RUBCN: variants seen among roughly 807,000 people sequenced by gnomAD.
The protein encoded by RUBCN is rubicon autophagy regulator.
A neutral mutation model predicts 113.2 loss-of-function variants in RUBCN; 74 were observed. The observed-to-expected ratio is 0.65, with a 90% CI of 0.54 to 0.79. The LOEUF (loss-of-function observed/expected upper bound fraction) is 0.79, where lower values mean the gene tolerates loss of function less well. Ranked by LOEUF, RUBCN falls within the 30% of genes least tolerant of loss-of-function variation. The pLI is 0.00. For synonymous variants in RUBCN, 480 were observed against 490.0 expected (o/e 0.98, Z 0.27); for missense variants, 1,109 against 1,251.7 (o/e 0.89, Z 1.72).
rs1719952685 is a variant in RUBCN at position 197,673,103 on chromosome 3, A to C, written c.*1915T>G. 1 of 152,186 alleles carries C rather than the reference A, an allele frequency of 6.6e-6. No homozygotes were observed. Among genetic ancestry groups the C allele is most frequent in the African/African-American group, 2.4e-5 (1 of 41,428 alleles). The allele number at this position is 152,186 out of a possible 1,614,324, so 9.4% of individuals were successfully genotyped here. ...CTTGAGTTCTGTGGGGTCATTCTTA[A>C]AGCTCCCTGAAGGACCTGGGCACTT... On this transcript the variant is annotated 3_prime_UTR_variant, in exon 20 of 20. Transcript: ENST00000296343.
intron 1 of RUBCN, among the ~76,000 whole-genome samples, chr3:197,744,834 A>G (rs891717141): frequency 3.9e-5 from 6 of 152,206 alleles, no homozygotes; most frequent in African/African-American, 1.2e-4. Flanking sequence ...GGTAAGGATT[A>G]CAAAGGTGAG....
chr3:197,740,840 C>G (rs1389498138), upstream of RUBCN, among the ~76,000 whole-genome samples: 1 of 151,982 alleles, frequency 6.6e-6, no homozygotes, highest in African/African-American at 2.4e-5. Context: ...AGGCTGGTCT[C>G]GAACTTCTGA....
intron 2 of RUBCN, among the ~76,000 whole-genome samples, chr3:197,709,286 C>T (rs1220221750): frequency 2.0e-5 from 3 of 152,066 alleles, no homozygotes; most frequent in African/African-American, 7.2e-5. Flanking sequence ...CAAATGTTTG[C>T]ATGTTGAGGG....
intron 2 of RUBCN, among the ~76,000 whole-genome samples, chr3:197,708,911 G>C (rs555265326): frequency 6.6e-6 from 1 of 152,270 alleles, no homozygotes. Flanking sequence ...ACAATTTTCA[G>C]AAGTTAGGGG....
At chr3:197,684,533 C>A (rs1265288979) in intron 11 of RUBCN, among the ~76,000 whole-genome samples, 1 of 152,000 alleles carries the variant, frequency 6.6e-6, no homozygotes, top group East Asian at 1.9e-4. Flanking sequence ...CACACAGGGA[C>A]ACAACCCCTC....
At chr3:197,687,705 G>A (rs1455940158) in intron 11 of RUBCN, among the ~76,000 whole-genome samples, 1 of 152,216 alleles carries the variant, frequency 6.6e-6, no homozygotes, top group East Asian at 1.9e-4. Flanking sequence ...TACAGTGAGT[G>A]CCACTGGCCT....
chr3:197,686,107 C>T (rs932433627), intron 11 of RUBCN, among the ~76,000 whole-genome samples: 5 of 152,010 alleles, frequency 3.3e-5, no homozygotes, highest in African/African-American at 1.2e-4. Context: ...AGGAGCTAAC[C>T]AATTTTCTTA....
At position 197,671,105 on chromosome 3, in the gene RUBCN, TCC is replaced by T. The variant is rs1332630167; in HGVS notation, c.*3911_*3912del. 6.6e-6 allele frequency among the ~76,000 whole-genome samples: 1 copy of T among 152,124 alleles called. No individual in the cohort carries two copies. Among genetic ancestry groups the T allele is most frequent in the East Asian group, 1.9e-4 (1 of 5,188 alleles). On this transcript the variant is annotated 3_prime_UTR_variant, in exon 20 of 20. Transcript: ENST00000296343. ...GCTTGGCTCACTGCAGCCCTCGCCT[TCC>T]AGGTTCAAGTGATTCTCATGATTCA...
At chr3:197,737,926 T>A (rs993298053), upstream of RUBCN, among the ~76,000 whole-genome samples, 4 of 152,160 alleles carry the variant, frequency 2.6e-5, no homozygotes, top group African/African-American at 7.2e-5. Flanking sequence ...TCTCTCTCTG[T>A]CGCCCAGGCT....
intron 2 of RUBCN, among the ~76,000 whole-genome samples, chr3:197,705,566 G>GAAAA (rs1023962921): frequency 2.1e-4 from 9 of 42,496 alleles, no homozygotes; most frequent in African/African-American, 4.4e-4. Flanking sequence ...CCCTAACTCA[G>GAAAA]AAAAAAAAAA....
chr3:197,739,488 TG>T (rs1333913970), upstream of RUBCN, among the ~76,000 whole-genome samples: 3 of 148,334 alleles, frequency 2.0e-5, no homozygotes, highest in South Asian at 4.3e-4. Flanking sequence ...GGTCAGGAGA[TG>T]GAGACTATCC....
At chr3:197,730,943 T>G (rs1477154966) in intron 1 of RUBCN, among the ~76,000 whole-genome samples, 1 of 142,966 alleles carries the variant, frequency 7.0e-6, no homozygotes, top group Non-Finnish European at 1.5e-5. Flanking sequence ...TTCAACACCT[T>G]AGTGAACATC....
In RUBCN at chr3:197,697,038, C is replaced by A; in HGVS notation, c.1273G>T (p.Asp425Tyr). The change falls in exon 8 of 20, where the codon GAT becomes TAT. Residue 425 changes from aspartate (D) to tyrosine (Y), a missense_variant. This residue lies in a region of RUBCN where 736 missense variants were observed against 779.6 expected (regional missense o/e 0.94). Coordinates refer to ENST00000296343, the MANE Select transcript of RUBCN (RefSeq NM_014687.4). ...ASRGAPESCNDKAKLRGPLPY... is the reference protein window; with the variant it reads ...ASRGAPESCNYKAKLRGPLPY... ...AAAGGGCCTCTCAACTTCGCCTTATCATTGCAGGATTCTAATGACGATGAC... is the reference window on the plus strand; with the variant it reads ...AAAGGGCCTCTCAACTTCGCCTTATAATTGCAGGATTCTAATGACGATGAC... 1 of 1,584,186 alleles carries A rather than the reference C, an allele frequency of 6.3e-7. No homozygotes were observed. Among genetic ancestry groups the A allele is most frequent in the South Asian group, 1.1e-5 (1 of 90,474 alleles).
chr3:197,670,146 C>T lies in RUBCN; in HGVS notation c.*4872G>A, dbSNP rs1278390417. On this transcript the variant is annotated 3_prime_UTR_variant, in exon 20 of 20. Transcript: ENST00000296343. ...TCGTGATCCGCCCGCCTCGGCCTCC[C>T]AAAGTGCTGGGATTACAGGCGTGAG... Among the ~76,000 whole-genome samples the T allele has an allele frequency of 1.3e-5, 2 of 152,232 alleles. No individual in the cohort carries two copies. Among genetic ancestry groups the T allele is most frequent in the Admixed American group, 1.3e-4 (2 of 15,280 alleles).
chr3:197,694,995 T>C (rs1018339599), intron 9 of RUBCN, among the ~76,000 whole-genome samples: 2 of 152,260 alleles, frequency 1.3e-5, no homozygotes, highest in African/African-American at 4.8e-5. Flanking sequence ...TAGAATTTGA[T>C]TCTGGAAACA....
At chr3:197,729,809 T>C (rs544787881) in intron 1 of RUBCN, among the ~76,000 whole-genome samples, 40 of 152,304 alleles carry the variant, frequency 2.6e-4, no homozygotes, top group South Asian at 1.5e-3. Context: ...CCCACCCACC[T>C]CAGCCTCCCA....
intron 5 of RUBCN, 22 bp downstream of exon 5, chr3:197,703,526 G>T (rs1480571396): frequency 6.5e-7 from 1 of 1,541,670 alleles, no homozygotes; most frequent in Admixed American, 1.7e-5. Flanking sequence ...CATAGACGTG[G>T]ATAATTCCTT....
chr3:197,746,582 T>C (rs1728755298), intron 1 of RUBCN, among the ~76,000 whole-genome samples: 1 of 152,194 alleles, frequency 6.6e-6, no homozygotes, highest in Non-Finnish European at 1.5e-5. Flanking sequence ...AAATATTACA[T>C]GAAACTTACT....
rs760843647 is a variant in RUBCN, at chr3:197,703,660, G to C, written c.464-6C>G. On this transcript the variant is annotated splice_polypyrimidine_tract_variant and splice_region_variant and intron_variant, in intron 4 of 19. Coordinates refer to ENST00000296343, the MANE Select transcript of RUBCN (RefSeq NM_014687.4). ...ACTTAGCAGGAAGGCAGCATCTGGG[G>C]AGAGAAAAGCTGCCACAGTGATAGA... 3.5e-5 allele frequency: 56 copies of C among 1,599,368 alleles called. No homozygotes were observed. The highest frequency in any genetic ancestry group is 4.6e-5 in the Non-Finnish European group (54 of 1,167,182).
Sources: gnomAD v4.1 joint callset for allele counts (sites outside exome capture counted in the v4.1 genomes callset) on GRCh38, gnomAD v4.1.1 for gene constraint, gnomAD v4.1.1 regional missense constraint, MANE v1.5 for transcripts, NCBI Gene and HGNC (gene_info 2026-07-23, HGNC 2026-07-21) for gene names.